Variants in HEG1 observed in about 807,000 individuals in gnomAD.
HEG1 encodes the protein protein HEG homolog 1.
Under a neutral mutation model 125.6 loss-of-function variants are expected in HEG1, and 56 were observed. The ratio of observed to expected loss-of-function variants is 0.45; its 90% confidence interval spans 0.36 to 0.56. The LOEUF is 0.56. Among genes scored for constraint, HEG1 ranks in the 20% least tolerant of loss-of-function variants. The pLI, the probability that HEG1 is intolerant of heterozygous loss-of-function variation, is 0.00. For missense variants in HEG1, 1,523 were observed against 1,670.0 expected (o/e 0.91, Z 1.53); for synonymous variants, 644 against 668.5 (o/e 0.96, Z 0.57).
intron 8 of HEG1, among the ~76,000 whole-genome samples, chr3:125,008,310 A>G (rs1158732573): frequency 6.6e-6 from 1 of 152,236 alleles, no homozygotes; most frequent in Non-Finnish European, 1.5e-5. Flanking sequence ...AACAATTTTC[A>G]AAATTCTACC....
At chr3:124,979,124 G>T (rs1936605924) in intron 14 of HEG1, among the ~76,000 whole-genome samples, 1 of 151,664 alleles carries the variant, frequency 6.6e-6, no homozygotes, top group Non-Finnish European at 1.5e-5. Context: ...TAATTTTTTT[G>T]TGTTTTTAGT....
At chr3:124,998,517 G>C (rs1323559176) in intron 11 of HEG1, among the ~76,000 whole-genome samples, 1 of 152,210 alleles carries the variant, frequency 6.6e-6, no homozygotes, top group African/African-American at 2.4e-5. Flanking sequence ...TTCAGTGCCT[G>C]GCACAGGGAC....
intron 14 of HEG1, among the ~76,000 whole-genome samples, chr3:124,978,438 C>T (rs915063747): frequency 1.1e-4 from 16 of 152,274 alleles, no homozygotes; most frequent in Admixed American, 3.3e-4. Flanking sequence ...TGAGCCACCG[C>T]GCCCGGCCGA....
At chr3:125,022,325 C>G (rs975252944) in intron 3 of HEG1, among the ~76,000 whole-genome samples, 1 of 151,842 alleles carries the variant, frequency 6.6e-6, no homozygotes, top group Non-Finnish European at 1.5e-5. Context: ...TCATTACAAA[C>G]ATTTCCTTGA....
intron 1 of HEG1, among the ~76,000 whole-genome samples, chr3:125,051,493 G>C (rs148259609): frequency 0.012 from 1,779 of 152,314 alleles, 39 homozygotes; most frequent in African/African-American, 0.04. Flanking sequence ...CATTTACCGT[G>C]TGATCTAACC....
At position 125,025,494 on chromosome 3, in the gene HEG1, A is replaced by G. The variant is rs149864167; in HGVS notation, c.913+1711T>C. 2.8e-3 allele frequency among the ~76,000 whole-genome samples: 429 copies of G among 152,348 alleles called. 1 individual carries two copies. The highest frequency in any genetic ancestry group is 9.9e-3 in the African/African-American group (412 of 41,578). ...GAAACTCACCAGCAGTTAAAAGTAT[A>G]AGCTTTTAAAAGGATGGATGGTAAA... On this transcript the variant is annotated intron_variant, in intron 3 of 16. Transcript: ENST00000311127.
At chr3:124,998,767 C>A (rs1388911184) in intron 11 of HEG1, among the ~76,000 whole-genome samples, 1 of 152,082 alleles carries the variant, frequency 6.6e-6, no homozygotes, top group Non-Finnish European at 1.5e-5. Context: ...ATATGGGGTA[C>A]ACAGAGAACA....
Position 125,013,776 on chromosome 3 carries a change from AAAG to A in HEG1, c.1800_1802del (p.Phe602del). ...TACTTCTCTCAGTCTGAGCATGAAA[AAAG>A]GAGGAATACTCTGAATGTGAAGAGT... On this transcript the variant is annotated inframe_deletion, in exon 6 of 17. Coordinates refer to ENST00000311127, the MANE Select transcript of HEG1 (RefSeq NM_020733.2). The A allele has an allele frequency of 1.9e-6, 3 of 1,613,880 alleles. No homozygotes were observed. The South Asian group carries it at 3.3e-5, about 18-fold the overall frequency.
intron 11 of HEG1, among the ~76,000 whole-genome samples, chr3:125,000,926 C>A (rs535726988): frequency 1.3e-5 from 2 of 152,364 alleles, no homozygotes; most frequent in South Asian, 4.1e-4. Flanking sequence ...CACGTGGCAA[C>A]AGGGACAAGC....
In HEG1 at chr3:125,052,936, G is replaced by T. The variant is rs189715517; in HGVS notation, c.316+2639C>A. On this transcript the variant is annotated intron_variant, in intron 1 of 16. Transcript: ENST00000311127. Reference sequence around the variant, plus strand: ...GGAAATGGCCCACAGGGAAGAAAAGGACATCTGTGGCCCTTGCTGCTGACA... The same window carrying T: ...GGAAATGGCCCACAGGGAAGAAAAGTACATCTGTGGCCCTTGCTGCTGACA... Among the ~76,000 whole-genome samples the T allele has an allele frequency of 1.6e-4, 25 of 152,366 alleles. No homozygotes were observed. The East Asian group carries it at 4.4e-3, about 27-fold the overall frequency.
At chr3:124,994,933 A>G (rs1478485131) in intron 12 of HEG1, among the ~76,000 whole-genome samples, 1 of 152,230 alleles carries the variant, frequency 6.6e-6, no homozygotes, top group Non-Finnish European at 1.5e-5. Flanking sequence ...TGAACCCTGC[A>G]CTGCTCAGGA....
At chr3:125,041,391 C>CA (rs1164252344) in intron 1 of HEG1, among the ~76,000 whole-genome samples, 2 of 152,064 alleles carry the variant, frequency 1.3e-5, no homozygotes, top group African/African-American at 4.8e-5. Context: ...TTTATAAATT[C>CA]AAAAAATATT....
intron 14 of HEG1, among the ~76,000 whole-genome samples, chr3:124,982,912 A>AC (rs1936677756): frequency 6.6e-6 from 1 of 151,626 alleles, no homozygotes; most frequent in Non-Finnish European, 1.5e-5. Flanking sequence ...TGAGCTAGAG[A>AC]CCTCCCCACC....
chr3:125,027,358 T>TGTGCACA lies in HEG1; in HGVS notation c.759_760insTGTGCAC (p.Thr254CysfsTer25). On this transcript the variant is annotated frameshift_variant, in exon 3 of 17. Transcript: ENST00000311127. LOFTEE classifies it high-confidence loss of function. ...AAGGACGGGCTCCAAGCCGAAGTGG[T>TGTGCACA]GGCCTCTTGGCTGTGCACAGTCCAT... The TGTGCACA allele has an allele frequency of 1.2e-6, 2 of 1,614,028 alleles. No homozygotes were observed. The highest frequency in any genetic ancestry group is 1.7e-6 in the Non-Finnish European group (2 of 1,179,892).
chr3:125,016,788 G>A lies in HEG1; in HGVS notation c.1588+2474C>T, dbSNP rs151309666. On this transcript the variant is annotated intron_variant, in intron 5 of 16. Coordinates refer to ENST00000311127, the MANE Select transcript of HEG1 (RefSeq NM_020733.2). ...ATTTAAACCTATTCAAAGCTTAAATGATCAGCTAATACATTTTTGCTTTAG... is the reference window on the plus strand; with the variant it reads ...ATTTAAACCTATTCAAAGCTTAAATAATCAGCTAATACATTTTTGCTTTAG... Among the ~76,000 whole-genome samples the A allele has an allele frequency of 2.8e-3, 430 of 152,312 alleles. 1 individual carries two copies. The highest frequency in any genetic ancestry group is 9.9e-3 in the African/African-American group (413 of 41,556).
At chr3:124,990,683 A>G (rs1936817799) in intron 14 of HEG1, 104 bp downstream of exon 14, 2 of 1,096,230 alleles carry the variant, frequency 1.8e-6, no homozygotes, top group Admixed American at 4.8e-5. Context: ...ACCTAAGAAG[A>G]CAGCAGGTGT....
chr3:124,993,305 A>G (rs954986796), intron 12 of HEG1, among the ~76,000 whole-genome samples: 5 of 152,202 alleles, frequency 3.3e-5, no homozygotes, highest in African/African-American at 1.2e-4. Flanking sequence ...TAAATCTTAT[A>G]TTATCAAATC....
Position 125,009,731 on chromosome 3 carries a change from TG to T in HEG1, c.3166del (p.Gln1056SerfsTer14). The T allele has an allele frequency of 1.2e-6, 2 of 1,613,576 alleles. No individual in the cohort carries two copies. Among genetic ancestry groups the T allele is most frequent in the East Asian group, 4.5e-5 (2 of 44,890 alleles). On this transcript the variant is annotated frameshift_variant, in exon 8 of 17. Transcript: ENST00000311127. LOFTEE classifies it high-confidence loss of function. ...SFICKCPVGY[Q>X]LEKGICNLVR... is the part of the protein sequence containing the mutation. ...CAAATTGCATATCCCTTTTTCCAAC[TG>T]GTACCCAACCGGGCATTTGCAGATA...
At position 124,967,435 on chromosome 3, in the gene HEG1, C is replaced by T. The variant is rs1053050942; in HGVS notation, c.*3217G>A. On this transcript the variant is annotated 3_prime_UTR_variant, in exon 17 of 17. Transcript: ENST00000311127. ...ACATATAAAAAACAATCTGAAAGCA[C>T]ATTTTCAAAAGGGTAGTCAGCATTT... The T allele has an allele frequency of 1.6e-4, 23 of 146,418 alleles. No homozygotes were observed. Among genetic ancestry groups the T allele is most frequent in the African/African-American group, 5.0e-4 (20 of 39,660 alleles). 9.1% of individuals were successfully genotyped at this position (146,418 alleles called of 1,614,324 possible).
Sources: gnomAD v4.1 joint callset for allele counts (sites outside exome capture counted in the v4.1 genomes callset) on GRCh38, gnomAD v4.1.1 for gene constraint, MANE v1.5 for transcripts, NCBI Gene and HGNC (gene_info 2026-07-23, HGNC 2026-07-21) for gene names.